RBFOX3: variants seen among roughly 807,000 people sequenced by gnomAD.
RBFOX3 encodes RNA binding fox-1 homolog 3, also known as RNA binding protein fox-1 homolog 3.
In RBFOX3, 17 loss-of-function variants were observed where a neutral mutation model predicts 48.7. That is an observed-to-expected ratio of 0.35 (90% CI 0.24 to 0.52). The LOEUF is 0.52. Among genes scored for constraint, RBFOX3 ranks in the 20% least tolerant of loss-of-function variants. The pLI is 0.94. For synonymous variants in RBFOX3, 212 were observed against 209.5 expected (o/e 1.01, Z -0.10); for missense variants, 382 against 497.5 (o/e 0.77, Z 2.21).
chr17:79,606,965 G>A (rs1172057103), intron 1 of RBFOX3, among the ~76,000 whole-genome samples: 1 of 152,186 alleles, frequency 6.6e-6, no homozygotes, highest in East Asian at 1.9e-4. Context: ...GACAGGGATG[G>A]CTCAGGGAGC....
At chr17:79,275,555 G>C (rs949667239) in intron 3 of RBFOX3, among the ~76,000 whole-genome samples, 2 of 152,188 alleles carry the variant, frequency 1.3e-5, no homozygotes, top group Admixed American at 1.3e-4. Flanking sequence ...TCCTTGAAGG[G>C]AAGTGAAGGA....
intron 1 of RBFOX3, among the ~76,000 whole-genome samples, chr17:79,543,998 A>G (rs1314610005): frequency 6.6e-6 from 1 of 152,234 alleles, no homozygotes; most frequent in African/African-American, 2.4e-5. Context: ...ACTCGTGCCT[A>G]GGAACAGAGG....
chr17:79,378,706 C>A (rs1373964372), intron 2 of RBFOX3, among the ~76,000 whole-genome samples: 1 of 152,156 alleles, frequency 6.6e-6, no homozygotes, highest in Non-Finnish European at 1.5e-5. Flanking sequence ...AGGCTGTGTC[C>A]CATGTTAATG....
At chr17:79,557,265 G>T (rs1480349401) in intron 1 of RBFOX3, among the ~76,000 whole-genome samples, 1 of 143,468 alleles carries the variant, frequency 7.0e-6, no homozygotes, top group African/African-American at 2.6e-5. Context: ...GGAAAGGAAA[G>T]AAATTGCCCA....
the RBFOX3 span, among the ~76,000 whole-genome samples, chr17:79,620,825 C>T: frequency 1.3e-5 from 2 of 152,174 alleles, no homozygotes; most frequent in Non-Finnish European, 2.9e-5. Flanking sequence ...GCAGGGCAAA[C>T]GGCAGAGAAG....
chr17:79,193,094 T>G (rs560297734), intron 4 of RBFOX3, among the ~76,000 whole-genome samples: 4 of 152,320 alleles, frequency 2.6e-5, no homozygotes, highest in South Asian at 4.1e-4. Flanking sequence ...CTAATTCCTC[T>G]GCTGAGCACC....
At chr17:79,504,239 G>A (rs976815700) in intron 1 of RBFOX3, among the ~76,000 whole-genome samples, 4 of 152,226 alleles carry the variant, frequency 2.6e-5, no homozygotes, top group East Asian at 3.8e-4. Context: ...AGGAGCCGCC[G>A]TAACAAAGCC....
At chr17:79,230,147 G>A (rs1055905028) in intron 4 of RBFOX3, among the ~76,000 whole-genome samples, 1 of 152,202 alleles carries the variant, frequency 6.6e-6, no homozygotes, top group African/African-American at 2.4e-5. Context: ...GATGAGGCTG[G>A]TTGGGTTGCC....
At chr17:79,203,300 G>A (rs958322590) in intron 4 of RBFOX3, among the ~76,000 whole-genome samples, 1 of 139,786 alleles carries the variant, frequency 7.2e-6, no homozygotes, top group Non-Finnish European at 1.5e-5. Context: ...TGGCTATGCT[G>A]TTCCTGTGGC....
chr17:79,545,202 G>A (rs779981188), intron 1 of RBFOX3, among the ~76,000 whole-genome samples: 11 of 152,162 alleles, frequency 7.2e-5, no homozygotes, highest in Non-Finnish European at 1.6e-4. Flanking sequence ...TTGCATGCAC[G>A]CTAAGAGAAG....
chr17:79,311,636 G>C lies in RBFOX3; in HGVS notation c.-174-3812C>G, dbSNP rs547732419. ...TACCTACCTAGGTCCTGTTGACTTTGTTTACCTGGAGAACTCTGAGTCAGG... is the reference window on the plus strand; with the variant it reads ...TACCTACCTAGGTCCTGTTGACTTTCTTTACCTGGAGAACTCTGAGTCAGG... On this transcript the variant is annotated intron_variant, in intron 2 of 14. Transcript: ENST00000693108. The surrounding 1 kb of genome is among the most constrained non-coding windows in gnomAD (Gnocchi z 4.2). Among the ~76,000 whole-genome samples the C allele has an allele frequency of 6.6e-6, 1 of 152,216 alleles. No individual in the cohort carries two copies. Among genetic ancestry groups the C allele is most frequent in the South Asian group, 2.1e-4 (1 of 4,830 alleles).
chr17:79,292,570 ACACACACACACATG>A (rs1460222448), intron 3 of RBFOX3, among the ~76,000 whole-genome samples: 6 of 133,398 alleles, frequency 4.5e-5, no homozygotes, highest in Non-Finnish European at 9.5e-5. Context: ...CACTGTACAC[ACACACACACACATG>A]CACACACACA....
intron 4 of RBFOX3, among the ~76,000 whole-genome samples, chr17:79,184,092 C>T (rs898173529): frequency 2.8e-5 from 4 of 140,994 alleles, no homozygotes; most frequent in Middle Eastern, 3.7e-3. Context: ...GAGGCCGGCT[C>T]AGTGGCGGGG....
chr17:79,248,405 T>A (rs1217089534), intron 3 of RBFOX3, among the ~76,000 whole-genome samples: 1 of 152,030 alleles, frequency 6.6e-6, no homozygotes, highest in Non-Finnish European at 1.5e-5. Context: ...GGCTTTGAAG[T>A]GATTAAAAGC....
the RBFOX3 span, among the ~76,000 whole-genome samples, chr17:79,646,737 T>C: frequency 8.5e-5 from 13 of 152,236 alleles, no homozygotes; most frequent in East Asian, 2.3e-3. Context: ...GACCTGCCCA[T>C]TTGCTACCCC....
At chr17:79,463,150 C>T (rs1408914721) in intron 2 of RBFOX3, among the ~76,000 whole-genome samples, 3 of 150,290 alleles carry the variant, frequency 2.0e-5, no homozygotes, top group African/African-American at 7.3e-5. Context: ...CCGCCACCTC[C>T]ACCACCATCG....
intron 3 of RBFOX3, among the ~76,000 whole-genome samples, chr17:79,294,032 G>T (rs541350114): frequency 4.6e-5 from 7 of 152,306 alleles, no homozygotes; most frequent in Admixed American, 4.6e-4. Context: ...CCGACTTCCA[G>T]AGCAGGTACA....
chr17:79,462,544 G>A (rs2075513074), intron 2 of RBFOX3, among the ~76,000 whole-genome samples: 1 of 152,192 alleles, frequency 6.6e-6, no homozygotes, highest in Non-Finnish European at 1.5e-5. Context: ...CAGGGGACAT[G>A]AGACAAATGC....
At chr17:79,215,177 G>A (rs540603529) in intron 4 of RBFOX3, among the ~76,000 whole-genome samples, 1 of 152,324 alleles carries the variant, frequency 6.6e-6, no homozygotes, top group Non-Finnish European at 1.5e-5. Context: ...GGGAGGTGCT[G>A]GCCCCCGCAG....
Sources: allele counts gnomAD v4.1 joint callset (sites outside exome capture counted in the v4.1 genomes callset), GRCh38; gene constraint gnomAD v4.1.1; non-coding constraint Gnocchi (gnomAD v3.1); transcripts MANE v1.5; gene names NCBI Gene and HGNC (gene_info 2026-07-23, HGNC 2026-07-21).